WIPF2: variants seen among roughly 807,000 people sequenced by gnomAD.
WIPF2 encodes the protein WAS/WASL-interacting protein family member 2.
A neutral mutation model predicts 38.8 loss-of-function variants in WIPF2; 23 were observed. The observed-to-expected ratio is 0.59, with a 90% CI of 0.43 to 0.84. The LOEUF (loss-of-function observed/expected upper bound fraction) is 0.84, where lower values mean the gene tolerates loss of function less well. Ranked by LOEUF, WIPF2 falls within the 40% of genes least tolerant of loss-of-function variation. The pLI, the probability that WIPF2 is intolerant of heterozygous loss-of-function variation, is 0.00. For missense variants in WIPF2, 574 were observed against 580.5 expected, an observed-to-expected ratio of 0.99 and a Z score of 0.11; for synonymous variants, 210 against 223.2, an observed-to-expected ratio of 0.94 and a Z score of 0.53.
At chr17:40,247,210 T>G (rs1377036573) in intron 1 of WIPF2, among the ~76,000 whole-genome samples, 3 of 125,048 alleles carry the variant, frequency 2.4e-5, no homozygotes, top group African/African-American at 6.0e-5. Flanking sequence ...TTTCAGGGTT[T>G]TTTTTTTTTT....
At position 40,268,951 on chromosome 17, in the gene WIPF2, G is replaced by A. The variant is rs1385484178; in HGVS notation, c.970+3805G>A. 2.6e-5 allele frequency among the ~76,000 whole-genome samples: 4 copies of A among 152,284 alleles called. No homozygotes were observed. The East Asian group carries it at 7.7e-4, about 29-fold the overall frequency. Reference sequence around the variant, plus strand: ...TGTAATCCTAGTGCTTTGGGAGGCTGAGGCAGGAGGATCGCTTGAGACGGA... The same window carrying A: ...TGTAATCCTAGTGCTTTGGGAGGCTAAGGCAGGAGGATCGCTTGAGACGGA... On this transcript the variant is annotated intron_variant, in intron 5 of 7. Coordinates refer to ENST00000323571, the MANE Select transcript of WIPF2 (RefSeq NM_133264.5).
chr17:40,275,522 C>T (rs906760151), intron 6 of WIPF2, among the ~76,000 whole-genome samples: 2 of 151,978 alleles, frequency 1.3e-5, no homozygotes, highest in Admixed American at 1.3e-4. Context: ...TGTTGAGGAC[C>T]CTTGGAAGAA....
At chr17:40,239,704 T>TC (rs2031117596) in intron 1 of WIPF2, among the ~76,000 whole-genome samples, 1 of 146,780 alleles carries the variant, frequency 6.8e-6, no homozygotes, top group African/African-American at 2.5e-5. Flanking sequence ...TTTTTTTTTT[T>TC]TTTTTTTTGA....
At position 40,283,810 on chromosome 17, in the gene WIPF2, A is replaced by T. The variant is rs187875514; in HGVS notation, c.*5585A>T. 2 of 152,234 alleles carry T rather than the reference A, an allele frequency of 1.3e-5. No individual in the cohort carries two copies. The highest frequency in any genetic ancestry group is 3.9e-4 in the East Asian group (2 of 5,182). 9.4% of individuals were successfully genotyped at this position (152,234 alleles called of 1,614,324 possible). ...TCTTAGCTGGTTTTCTTGAACTTTG[A>T]CTTTAGGTGTAAAAATTCAACCAGA... On this transcript the variant is annotated 3_prime_UTR_variant, in exon 8 of 8. Coordinates refer to ENST00000323571, the MANE Select transcript of WIPF2 (RefSeq NM_133264.5).
intron 1 of WIPF2, among the ~76,000 whole-genome samples, chr17:40,244,606 C>G (rs533465195): frequency 1.1e-4 from 17 of 152,026 alleles, no homozygotes; most frequent in Admixed American, 1.1e-3. Flanking sequence ...GTGAAGCTGT[C>G]GGTTCATTTA....
chr17:40,268,157 G>A lies in WIPF2; in HGVS notation c.970+3011G>A, dbSNP rs561094500. On this transcript the variant is annotated intron_variant, in intron 5 of 7. Coordinates refer to ENST00000323571, the MANE Select transcript of WIPF2 (RefSeq NM_133264.5). ...AGCAAGACGTTGTCCCAAAAAAAGG[G>A]TAAAGGTTATATCATTAAGTAGCAA... Among the ~76,000 whole-genome samples, 3 of 152,198 alleles carry A rather than the reference G, an allele frequency of 2.0e-5. No individual in the cohort carries two copies. In the South Asian group the frequency reaches 6.2e-4, roughly 32 times the overall value.
At chr17:40,260,427 T>C (rs2031860501) in intron 2 of WIPF2, 108 bp from the exon 3 acceptor site, 1 of 1,338,186 alleles carries the variant, frequency 7.5e-7, no homozygotes, top group African/African-American at 1.5e-5. Context: ...CTTCAAGTGA[T>C]CCACCTGCCT....
intron 3 of WIPF2, 60 bp from the exon 4 acceptor site, chr17:40,262,465 A>T: frequency 1.4e-6 from 2 of 1,379,954 alleles, no homozygotes; most frequent in Non-Finnish European, 2.1e-6. Flanking sequence ...TCCCCTCATG[A>T]TTTACTTGGT....
intron 1 of WIPF2, among the ~76,000 whole-genome samples, chr17:40,226,189 T>TA (rs1187842305): frequency 0.014 from 1,651 of 121,438 alleles, 22 homozygotes; most frequent in African/African-American, 0.037. Context: ...GGATAGTTGG[T>TA]AAAAAAAAAA....
At chr17:40,274,401 A>T (rs1234021847) in intron 6 of WIPF2, among the ~76,000 whole-genome samples, 1 of 151,720 alleles carries the variant, frequency 6.6e-6, no homozygotes, top group African/African-American at 2.4e-5. Flanking sequence ...TTGTTCTTGG[A>T]ATTATTATTT....
rs1442972910 is a variant in WIPF2, at chr17:40,280,856, C to T, written c.*2631C>T. The T allele has an allele frequency of 6.6e-6, 1 of 152,516 alleles. No individual in the cohort carries two copies. Among genetic ancestry groups the T allele is most frequent in the Non-Finnish European group, 1.5e-5 (1 of 68,028 alleles). The allele number at this position is 152,516 out of a possible 1,614,324, so 9.4% of individuals were successfully genotyped here. A position where few individuals can be genotyped will look rare whatever the true frequency, so the allele number is the denominator to read the frequency against. On this transcript the variant is annotated 3_prime_UTR_variant, in exon 8 of 8. Coordinates refer to ENST00000323571, the MANE Select transcript of WIPF2 (RefSeq NM_133264.5). Reference sequence around the variant, plus strand: ...CATGCAAAAAGGCCTGGGTCTAGATCTAGTCAGATGAGTTTTTTTTAGAGC... The same window carrying T: ...CATGCAAAAAGGCCTGGGTCTAGATTTAGTCAGATGAGTTTTTTTTAGAGC...
At position 40,265,922 on chromosome 17, in the gene WIPF2, C is replaced by T. The variant is rs2070118864; in HGVS notation, c.970+776C>T. Among the ~76,000 whole-genome samples, 3 of 152,108 alleles carry T rather than the reference C, an allele frequency of 2.0e-5. No homozygotes were observed. The South Asian group carries it at 6.2e-4, about 32-fold the overall frequency. On this transcript the variant is annotated intron_variant, in intron 5 of 7. Transcript: ENST00000323571. ...GTAAACGGCCAGATGGTTAGGACTA[C>T]TGTGAATTTGTGGGAAGATAGGTGT...
In WIPF2 at chr17:40,283,154, A is replaced by T. The variant is rs934747324; in HGVS notation, c.*4929A>T. The T allele has an allele frequency of 6.9e-5, 3 of 43,180 alleles. No homozygotes were observed. Among genetic ancestry groups the T allele is most frequent in the African/African-American group, 1.3e-4 (1 of 7,716 alleles). The allele number at this position is 43,180 out of a possible 1,614,324, so 2.7% of individuals were successfully genotyped here. A position where few individuals can be genotyped will look rare whatever the true frequency, so the allele number is the denominator to read the frequency against. On this transcript the variant is annotated 3_prime_UTR_variant, in exon 8 of 8. Coordinates refer to ENST00000323571, the MANE Select transcript of WIPF2 (RefSeq NM_133264.5). Reference sequence around the variant, plus strand: ...TGAGCTGAGATCATGCCACTGCACTAAAAAAAAAAAAAAAAAAAAAAAAAA... The same window carrying T: ...TGAGCTGAGATCATGCCACTGCACTTAAAAAAAAAAAAAAAAAAAAAAAAA...
chr17:40,253,609 C>G (rs1174807415), intron 1 of WIPF2, among the ~76,000 whole-genome samples: 2 of 152,146 alleles, frequency 1.3e-5, no homozygotes, highest in East Asian at 3.9e-4. Context: ...GAAAGACTGC[C>G]CTTGGTTTTG....
chr17:40,264,611 C>T lies in WIPF2; in HGVS notation c.435C>T (p.Leu145=), dbSNP rs1311116539. The part of the protein sequence containing the change: ...QDDTDSSRAS[L]PELPRMQRPS... ...ATACAGACAGCAGCCGGGCCTCACTCCCAGAACTGCCCCGGATGCAGAGAC... is the reference window on the plus strand; with the variant it reads ...ATACAGACAGCAGCCGGGCCTCACTTCCAGAACTGCCCCGGATGCAGAGAC... Residue 145 remains leucine (L), a synonymous_variant, in exon 5 of 8, where the codon CTC becomes CTT. Coordinates refer to ENST00000323571, the MANE Select transcript of WIPF2 (RefSeq NM_133264.5). The T allele has an allele frequency of 6.2e-7, 1 of 1,614,156 alleles. No individual in the cohort carries two copies. The highest frequency in any genetic ancestry group is 8.5e-7 in the Non-Finnish European group (1 of 1,180,024).
At chr17:40,251,900 G>A (rs1400033112) in intron 1 of WIPF2, among the ~76,000 whole-genome samples, 3 of 152,172 alleles carry the variant, frequency 2.0e-5, no homozygotes, top group Non-Finnish European at 4.4e-5. Context: ...GCCACTGTTG[G>A]TAGTCAACAC....
intron 3 of WIPF2, 91 bp downstream of exon 3, chr17:40,260,758 G>C: frequency 1.3e-6 from 2 of 1,560,338 alleles, no homozygotes; most frequent in Non-Finnish European, 1.8e-6. Context: ...TGGGCCTTGA[G>C]TGGGAGAGTT....
Position 40,280,739 on chromosome 17 carries a change from A to T in WIPF2, c.*2514A>T, listed in dbSNP as rs1257720868. The T allele has an allele frequency of 6.6e-6, 1 of 152,012 alleles. No homozygotes were observed. Among genetic ancestry groups the T allele is most frequent in the Non-Finnish European group, 1.5e-5 (1 of 67,946 alleles). The allele number at this position is 152,012 out of a possible 1,614,324, so 9.4% of individuals were successfully genotyped here. On this transcript the variant is annotated 3_prime_UTR_variant, in exon 8 of 8. Coordinates refer to ENST00000323571, the MANE Select transcript of WIPF2 (RefSeq NM_133264.5). ...ACCCCAGCTTTTCACTGGGGCTGAT[A>T]TCTTCCTCCCCATGGCCCACTGCCC...
intron 1 of WIPF2, among the ~76,000 whole-genome samples, chr17:40,223,047 A>G (rs935424575): frequency 6.6e-6 from 1 of 151,806 alleles, no homozygotes; most frequent in African/African-American, 2.4e-5. Context: ...ATTGGTTGCC[A>G]TCAAGATGAA....
Sources: gnomAD v4.1 joint callset for allele counts (sites outside exome capture counted in the v4.1 genomes callset) on GRCh38, gnomAD v4.1.1 for gene constraint, MANE v1.5 for transcripts, NCBI Gene and HGNC (gene_info 2026-07-23, HGNC 2026-07-21) for gene names.